Variants in PHKA1 observed in about 807,000 individuals in gnomAD.
PHKA1 encodes the protein phosphorylase b kinase regulatory subunit alpha, skeletal muscle isoform.
A neutral mutation model predicts 110.2 loss-of-function variants in PHKA1; 60 were observed. The observed-to-expected ratio is 0.54, with a 90% CI of 0.44 to 0.68. The LOEUF (loss-of-function observed/expected upper bound fraction) is 0.68, where lower values mean the gene tolerates loss of function less well. PHKA1 is among the 30% of genes least tolerant of loss of function. PHKA1 has a pLI of 0.00. For synonymous variants in PHKA1, 316 were observed against 333.6 expected (o/e 0.95, Z 0.58); for missense variants, 801 against 942.5 (o/e 0.85, Z 1.97).
chrX:72,658,725 T>C (rs1471570621), intron 8 of PHKA1, among the ~76,000 whole-genome samples: 1 of 111,906 alleles, frequency 8.9e-6, no homozygotes, highest in Non-Finnish European at 1.9e-5. Flanking sequence ...TGTTTTCTCA[T>C]GATCAGAGTA....
chrX:72,642,118 A>G (rs1241670986), intron 14 of PHKA1, among the ~76,000 whole-genome samples: 2 of 112,152 alleles, frequency 1.8e-5, no homozygotes, highest in East Asian at 5.6e-4. Flanking sequence ...TTTGATCATC[A>G]TTAAGTTTTT....
intron 2 of PHKA1, among the ~76,000 whole-genome samples, chrX:72,708,281 A>G (rs2054319746): frequency 9.0e-6 from 1 of 111,674 alleles, no homozygotes; most frequent in South Asian, 3.8e-4. Flanking sequence ...AGAATAAAAT[A>G]CTGGTAATTA....
intron 1 of PHKA1, among the ~76,000 whole-genome samples, chrX:72,713,330 C>A (rs2054411721): frequency 9.0e-6 from 1 of 110,961 alleles, no homozygotes; most frequent in Non-Finnish European, 1.9e-5. Context: ...TAACTACAGT[C>A]ACCATGCTGC....
chrX:72,625,550 C>T (rs782452283), intron 17 of PHKA1, among the ~76,000 whole-genome samples: 1 of 111,669 alleles, frequency 9.0e-6, no homozygotes, highest in East Asian at 2.8e-4. Context: ...TTTATCTTTG[C>T]TATTGTGTCT....
chrX:72,604,769 A>G (rs782224925), intron 25 of PHKA1, among the ~76,000 whole-genome samples: 1 of 111,868 alleles, frequency 8.9e-6, no homozygotes, highest in South Asian at 3.8e-4. Context: ...TCTTCTAACT[A>G]AAACTTTTAT....
chrX:72,669,626 C>T (rs1242207695), intron 6 of PHKA1, among the ~76,000 whole-genome samples: 18 of 99,711 alleles, frequency 1.8e-4, no homozygotes, highest in Non-Finnish European at 3.6e-4. Context: ...TGAGAATATG[C>T]GGTGTTTGGT....
intron 5 of PHKA1, among the ~76,000 whole-genome samples, chrX:72,683,534 CTTGA>C (rs1431216785): frequency 3.6e-5 from 4 of 111,857 alleles, no homozygotes; most frequent in Non-Finnish European, 7.5e-5. Flanking sequence ...AAGTGTACAA[CTTGA>C]TTAATTTTGA....
chrX:72,632,934 T>A (rs1173756174), intron 16 of PHKA1, among the ~76,000 whole-genome samples: 1 of 112,195 alleles, frequency 8.9e-6, no homozygotes, highest in African/African-American at 3.2e-5. Flanking sequence ...TTGCTATTGT[T>A]ATTGTTGTTT....
chrX:72,632,028 T>C (rs1259166767), intron 16 of PHKA1, among the ~76,000 whole-genome samples: 1 of 112,226 alleles, frequency 8.9e-6, no homozygotes, highest in Non-Finnish European at 1.9e-5. Flanking sequence ...AATTCCTTTA[T>C]AGTTAGATTC....
chrX:72,666,709 A>G (rs1298265486), intron 7 of PHKA1, among the ~76,000 whole-genome samples: 1 of 112,160 alleles, frequency 8.9e-6, no homozygotes, highest in African/African-American at 3.2e-5. Flanking sequence ...AATAAAGTCA[A>G]GAGAAAACAC....
At chrX:72,598,566 AATT>A (rs2052619877) in intron 28 of PHKA1, among the ~76,000 whole-genome samples, 1 of 111,956 alleles carries the variant, frequency 8.9e-6, no homozygotes, top group African/African-American at 3.2e-5. Flanking sequence ...TTCATTGTAG[AATT>A]ATTCATAGCA....
At chrX:72,694,481 C>G (rs2054082308) in intron 4 of PHKA1, among the ~76,000 whole-genome samples, 1 of 112,174 alleles carries the variant, frequency 8.9e-6, no homozygotes, top group African/African-American at 3.2e-5. Context: ...TTTCCAGATG[C>G]ATGTTATACT....
At chrX:72,605,724 C>T (rs782305155) in intron 23 of PHKA1, 105 bp from the exon 24 acceptor site, 54 of 580,456 alleles carry the variant, frequency 9.3e-5, no homozygotes, top group African/African-American at 7.0e-4. Context: ...ACTGCCTCAA[C>T]ATTTCATCAT....
At chrX:72,634,162 A>G (rs1556290066) in intron 16 of PHKA1, among the ~76,000 whole-genome samples, 1 of 112,300 alleles carries the variant, frequency 8.9e-6, no homozygotes, top group Non-Finnish European at 1.9e-5. Flanking sequence ...TCATTCTTGC[A>G]TATTAGCTTT....
In PHKA1 at chrX:72,580,896, G is replaced by A; in HGVS notation, c.*106C>T. On this transcript the variant is annotated 3_prime_UTR_variant, in exon 32 of 32. Transcript: ENST00000373542. Reference sequence around the variant, plus strand: ...CTTCTTGGGAAGGATGGGACAGAAAGGGGCAGGGTTGGAGTGATTAGGCAA... The same window carrying A: ...CTTCTTGGGAAGGATGGGACAGAAAAGGGCAGGGTTGGAGTGATTAGGCAA... 1 of 721,116 alleles carries A rather than the reference G, an allele frequency of 1.4e-6. No homozygotes were observed. 59.4% of individuals were successfully genotyped at this position (721,116 alleles called of 1,213,427 possible).
At chrX:72,630,589 T>C (rs1282277843) in intron 16 of PHKA1, among the ~76,000 whole-genome samples, 1 of 110,976 alleles carries the variant, frequency 9.0e-6, no homozygotes, top group African/African-American at 3.3e-5. Flanking sequence ...CTTTTTTTTT[T>C]CAGTACTTAA....
intron 21 of PHKA1, among the ~76,000 whole-genome samples, chrX:72,614,691 A>G (rs782120104): frequency 1.9e-4 from 21 of 111,846 alleles, no homozygotes; most frequent in Admixed American, 1.8e-3. Context: ...ATGGTAAATA[A>G]AAGTTGAAAG....
At chrX:72,664,927 G>C (rs184586686) in intron 8 of PHKA1, among the ~76,000 whole-genome samples, 1 of 111,123 alleles carries the variant, frequency 9.0e-6, no homozygotes, top group African/African-American at 3.3e-5. Flanking sequence ...GCAGTACTAA[G>C]AAGGAAGTTT....
intron 6 of PHKA1, 51 bp from the exon 7 acceptor site, chrX:72,667,524 A>C: frequency 3.2e-6 from 3 of 928,264 alleles, no homozygotes; most frequent in Non-Finnish European, 3.1e-6. Context: ...AAAGATATAT[A>C]TTTCTTCTCC....
Sources: allele counts gnomAD v4.1 joint callset (sites outside exome capture counted in the v4.1 genomes callset), GRCh38; gene constraint gnomAD v4.1.1; transcripts MANE v1.5; gene names NCBI Gene and HGNC (gene_info 2026-07-23, HGNC 2026-07-21).